Variants in TMEM132B observed in about 807,000 individuals in gnomAD.
TMEM132B encodes transmembrane protein 132B.
Under a neutral mutation model 90.8 loss-of-function variants are expected in TMEM132B, and 18 were observed. The ratio of observed to expected loss-of-function variants is 0.20; its 90% CI spans 0.14 to 0.29. The LOEUF (loss-of-function observed/expected upper bound fraction) is 0.29. Among genes scored for constraint, TMEM132B ranks in the 10% least tolerant of loss-of-function variants. The pLI is 1.00. For synonymous variants in TMEM132B, 504 were observed against 523.3 expected, an observed-to-expected ratio of 0.96 and a Z score of 0.50; for missense variants, 1,096 against 1,326.8, an observed-to-expected ratio of 0.83 and a Z score of 2.70.
At chr12:125,514,963 C>G (rs1883071810) in intron 3 of TMEM132B, among the ~76,000 whole-genome samples, 1 of 152,138 alleles carries the variant, frequency 6.6e-6, no homozygotes, top group South Asian at 2.1e-4. Flanking sequence ...CCTCAGGGGT[C>G]CCAGGGCTCC....
chr12:125,390,316 T>C (rs773700530), intron 2 of TMEM132B, among the ~76,000 whole-genome samples: 2 of 152,350 alleles, frequency 1.3e-5, no homozygotes, highest in African/African-American at 2.4e-5. Flanking sequence ...CTATATGCAA[T>C]AGCTAGGTTA....
intron 3 of TMEM132B, among the ~76,000 whole-genome samples, chr12:125,421,526 C>G (rs957530986): frequency 2.0e-5 from 3 of 152,222 alleles, no homozygotes; most frequent in Non-Finnish European, 4.4e-5. Context: ...TTACCTCCCA[C>G]TGGGTCCCTC....
intron 5 of TMEM132B, chr12:125,586,806 G>A (rs1885188755): frequency 6.6e-6 from 1 of 152,140 alleles, no homozygotes; most frequent in Admixed American, 6.5e-5. Context: ...CCAACAAGAA[G>A]TCATAAAGTG....
chr12:125,228,209 CAGAAAGAT>C (rs1347996199), intron 1 of TMEM132B, among the ~76,000 whole-genome samples: 1 of 152,120 alleles, frequency 6.6e-6, no homozygotes, highest in African/African-American at 2.4e-5. Context: ...TTCCGAGCCT[CAGAAAGAT>C]GGACTGTGAG....
chr12:125,583,784 AC>A, intron 4 of TMEM132B, 66 bp from the exon 5 acceptor site: 2 of 1,569,472 alleles, frequency 1.3e-6, no homozygotes, highest in Non-Finnish European at 1.7e-6. Context: ...CTTGGTGGAC[AC>A]CCCTCTCCTG....
chr12:125,355,925 G>A (rs531612709), intron 2 of TMEM132B, among the ~76,000 whole-genome samples: 166 of 152,222 alleles, frequency 1.1e-3, no homozygotes, highest in African/African-American at 3.8e-3. Flanking sequence ...ATTCTGTGCA[G>A]CATTAGCACG....
intron 5 of TMEM132B, among the ~76,000 whole-genome samples, chr12:125,634,302 C>A (rs1474141794): frequency 6.6e-6 from 1 of 152,200 alleles, no homozygotes; most frequent in African/African-American, 2.4e-5. Context: ...GGCTACCCGG[C>A]CTGAGACTCA....
In TMEM132B at chr12:125,601,664, A is replaced by G. The variant is rs191438010; in HGVS notation, c.1437+17670A>G. 1.8e-3 allele frequency among the ~76,000 whole-genome samples: 276 copies of G among 152,334 alleles called. 3 individuals carry two copies. Among genetic ancestry groups the G allele is most frequent in the Non-Finnish European group, 2.8e-3 (190 of 68,032 alleles). On this transcript the variant is annotated intron_variant, in intron 5 of 8. Transcript: ENST00000682704. The stretch of plus-strand genomic sequence containing the variant: ...ACATGAATAACCCTTCAAAAAAATC[A>G]ATGAATCCAGGAGCTCGATTTTTGA...
At chr12:125,584,448 G>T (rs2136871855) in intron 5 of TMEM132B, 2 of 158,650 alleles carry the variant, frequency 1.3e-5, no homozygotes, top group Middle Eastern at 3.3e-3. Flanking sequence ...TTAGAGTGTG[G>T]TGCTAATAAA....
At chr12:125,536,374 A>G (rs1245820253) in intron 4 of TMEM132B, among the ~76,000 whole-genome samples, 1 of 152,228 alleles carries the variant, frequency 6.6e-6, no homozygotes, top group Non-Finnish European at 1.5e-5. Flanking sequence ...TGTTGGCTCC[A>G]GGGGTGATCA....
At chr12:125,482,378 A>G (rs1450598069) in intron 3 of TMEM132B, among the ~76,000 whole-genome samples, 1 of 152,246 alleles carries the variant, frequency 6.6e-6, no homozygotes, top group African/African-American at 2.4e-5. Context: ...TAATATCCAG[A>G]ATCTACAAAG....
intron 5 of TMEM132B, among the ~76,000 whole-genome samples, chr12:125,597,080 G>T (rs746952881): frequency 6.6e-6 from 1 of 152,166 alleles, no homozygotes; most frequent in Non-Finnish European, 1.5e-5. Flanking sequence ...CAGGTACATG[G>T]AGTGAAAGAA....
intron 2 of TMEM132B, among the ~76,000 whole-genome samples, chr12:125,365,514 G>C (rs568834788): frequency 2.2e-4 from 33 of 151,956 alleles, no homozygotes; most frequent in Non-Finnish European, 4.3e-4. Flanking sequence ...TTCCTTTCTG[G>C]GGATCTAAGT....
intron 1 of TMEM132B, among the ~76,000 whole-genome samples, chr12:125,295,515 T>TGTGA (rs531489519): frequency 0.086 from 12,292 of 142,144 alleles, 530 homozygotes; most frequent in African/African-American, 0.1. Context: ...TGTGTGTGTG[T>TGTGA]GAGAGAGAGA....
At chr12:125,528,741 A>G (rs1244736209) in intron 4 of TMEM132B, among the ~76,000 whole-genome samples, 1 of 152,150 alleles carries the variant, frequency 6.6e-6, no homozygotes, top group Non-Finnish European at 1.5e-5. Flanking sequence ...CTAATAGACT[A>G]CTGTTGACTA....
At chr12:125,494,810 T>C (rs1882493918) in intron 3 of TMEM132B, among the ~76,000 whole-genome samples, 1 of 24,628 alleles carries the variant, frequency 4.1e-5, no homozygotes, top group Non-Finnish European at 6.8e-5. Context: ...TCCCTGGAAA[T>C]GGCTGCATCC....
At chr12:125,578,176 C>A (rs1884978640) in intron 4 of TMEM132B, among the ~76,000 whole-genome samples, 1 of 152,052 alleles carries the variant, frequency 6.6e-6, no homozygotes, top group South Asian at 2.1e-4. Context: ...ACTAGTTGTT[C>A]TGTTAATTAC....
chr12:125,417,653 A>G (rs1326856979), intron 3 of TMEM132B, among the ~76,000 whole-genome samples: 1 of 152,164 alleles, frequency 6.6e-6, no homozygotes, highest in Non-Finnish European at 1.5e-5. Flanking sequence ...ATGTAGGGTC[A>G]GGTGCTCAAC....
At chr12:125,269,767 C>A (rs10744198) in intron 1 of TMEM132B, among the ~76,000 whole-genome samples, 1 of 151,808 alleles carries the variant, frequency 6.6e-6, no homozygotes, top group Non-Finnish European at 1.5e-5. Context: ...GTATTTCCCT[C>A]TCATATACAA....
Sources: allele counts gnomAD v4.1 joint callset (sites outside exome capture counted in the v4.1 genomes callset), GRCh38; gene constraint gnomAD v4.1.1; transcripts MANE v1.5; gene names NCBI Gene and HGNC (gene_info 2026-07-23, HGNC 2026-07-21).